Variants in CACNA1C observed in about 807,000 individuals in gnomAD.
CACNA1C encodes the protein voltage-dependent L-type calcium channel subunit alpha-1C.
In CACNA1C, 30 loss-of-function variants were observed where a neutral mutation model predicts 229.0. That is an observed-to-expected ratio of 0.13 (90% confidence interval 0.10 to 0.18). The LOEUF (loss-of-function observed/expected upper bound fraction) is 0.18. Among genes scored for constraint, CACNA1C ranks in the 10% least tolerant of loss-of-function variants. The pLI is 1.00. For synonymous variants in CACNA1C, 1,114 were observed against 1,132.5 expected (o/e 0.98, Z 0.33); for missense variants, 1,658 against 2,845.0 (o/e 0.58, Z 9.49).
intron 3 of CACNA1C, among the ~76,000 whole-genome samples, chr12:2,139,317 G>A (rs2093896361): frequency 6.6e-6 from 1 of 151,156 alleles, no homozygotes; most frequent in African/African-American, 2.4e-5. Context: ...CTCTGATAAG[G>A]ACAGCAGTCA....
At chr12:2,409,521 A>C (rs1396626353) in intron 3 of CACNA1C, among the ~76,000 whole-genome samples, 1 of 152,260 alleles carries the variant, frequency 6.6e-6, no homozygotes, top group Non-Finnish European at 1.5e-5. Context: ...GTGGACGGTC[A>C]CTACAGGTAG....
chr12:2,210,807 A>G (rs754576393), intron 3 of CACNA1C, among the ~76,000 whole-genome samples: 3 of 152,160 alleles, frequency 2.0e-5, no homozygotes, highest in Non-Finnish European at 2.9e-5. Flanking sequence ...ACCCCAGCAC[A>G]TTTCTGGAGG....
chr12:2,547,655 TTG>T (rs144986025), intron 9 of CACNA1C: 28,661 of 563,486 alleles, frequency 0.051, no homozygotes, highest in South Asian at 0.067. Context: ...TGTATATATG[TTG>T]TGTGTGTGTG....
chr12:2,110,993 C>G (rs1176403758), intron 1 of CACNA1C, among the ~76,000 whole-genome samples: 1 of 152,230 alleles, frequency 6.6e-6, no homozygotes, highest in East Asian at 1.9e-4. Flanking sequence ...ACCTGTCTCA[C>G]CCGAGAGGCC....
Position 2,232,878 on chromosome 12 carries a change from C to G in CACNA1C, c.477+112448C>G, listed in dbSNP as rs192929396. 3.9e-5 allele frequency among the ~76,000 whole-genome samples: 6 copies of G among 152,222 alleles called. No individual in the cohort carries two copies. The East Asian group carries it at 1.2e-3, about 29-fold the overall frequency. On this transcript the variant is annotated intron_variant, in intron 3 of 46. Transcript: ENST00000399655. ...TATTTTCTTGCTCAAATTGTTTTAG[C>G]TTTGGCCATTGGGAGCGCTTTCTGG...
At chr12:2,227,843 A>C (rs891963368) in intron 3 of CACNA1C, among the ~76,000 whole-genome samples, 4 of 152,196 alleles carry the variant, frequency 2.6e-5, no homozygotes, top group Non-Finnish European at 5.9e-5. Context: ...TTGATACATA[A>C]AATAATGGGC....
chr12:2,100,582 CAAAAAAAAA>C (rs71441677), intron 1 of CACNA1C, among the ~76,000 whole-genome samples: 1 of 66,468 alleles, frequency 1.5e-5, no homozygotes. Context: ...CTGTTTCTAC[CAAAAAAAAA>C]AAAAAAAAAA....
chr12:2,121,060 C>G (rs1468583039), intron 3 of CACNA1C, among the ~76,000 whole-genome samples: 1 of 152,128 alleles, frequency 6.6e-6, no homozygotes, highest in East Asian at 1.9e-4. Flanking sequence ...GAAGTCATTA[C>G]AAAGACTTTT....
At chr12:2,576,508 G>A (rs1423336153) in intron 13 of CACNA1C, among the ~76,000 whole-genome samples, 1 of 152,146 alleles carries the variant, frequency 6.6e-6, no homozygotes, top group Non-Finnish European at 1.5e-5. Flanking sequence ...CAAAGCTCTT[G>A]CCTTTTTGGT....
chr12:2,635,730 C>G (rs1484459346), intron 30 of CACNA1C, among the ~76,000 whole-genome samples: 1 of 152,182 alleles, frequency 6.6e-6, no homozygotes, highest in Admixed American at 6.5e-5. Context: ...CCTGCTCACC[C>G]TATAGCTCCA....
intron 3 of CACNA1C, among the ~76,000 whole-genome samples, chr12:2,338,156 A>C (rs772061875): frequency 1.4e-4 from 22 of 152,220 alleles, no homozygotes; most frequent in Middle Eastern, 3.4e-3. Flanking sequence ...TTTAGACCCC[A>C]GTGCTGGCTA....
Position 2,053,468 on chromosome 12 carries a change from G to A in CACNA1C, c.-95G>A. 3 of 1,493,446 alleles carry A rather than the reference G, an allele frequency of 2.0e-6. No individual in the cohort carries two copies. The highest frequency in any genetic ancestry group is 2.2e-5 in the Admixed American group (1 of 45,458). 92.5% of individuals were successfully genotyped at this position (1,493,446 alleles called of 1,614,324 possible). On this transcript the variant is annotated 5_prime_UTR_variant, in exon 1 of 47. Transcript: ENST00000399655. This position sits in a 1 kb window ranked among gnomAD's most constrained non-coding sequence, Gnocchi z 5.8. ...CTCGAATCTTGCGCGAAAGCCGCCG[G>A]CCTCGGAGGAGGGATTAATCCAGAC...
At chr12:2,477,154 G>C (rs2099634095) in intron 5 of CACNA1C, among the ~76,000 whole-genome samples, 1 of 152,338 alleles carries the variant, frequency 6.6e-6, no homozygotes, top group East Asian at 1.9e-4. Flanking sequence ...CACGTCTCCA[G>C]CTTCTAGCCA....
chr12:2,552,298 A>G (rs2041725878), intron 10 of CACNA1C, among the ~76,000 whole-genome samples: 2 of 145,352 alleles, frequency 1.4e-5, no homozygotes, highest in African/African-American at 5.0e-5. Context: ...TGGGAGAGAC[A>G]CTATGCAAAT....
intron 3 of CACNA1C, among the ~76,000 whole-genome samples, chr12:2,165,863 T>A (rs764903437): frequency 1.3e-4 from 20 of 152,368 alleles, no homozygotes; most frequent in South Asian, 8.3e-4. Context: ...TTGACAATTG[T>A]GTTTAACTGA....
chr12:2,300,834 C>G (rs371146217), intron 3 of CACNA1C, among the ~76,000 whole-genome samples: 1 of 151,940 alleles, frequency 6.6e-6, no homozygotes, highest in Non-Finnish European at 1.5e-5. Context: ...GCTGGGGGAG[C>G]CTGTTGGGAG....
rs1603427791 is a variant in CACNA1C at position 2,665,771 on chromosome 12, G to A, written c.4526+63G>A. 5 of 1,522,178 alleles carry A rather than the reference G, an allele frequency of 3.3e-6. No homozygotes were observed. The East Asian group carries it at 9.4e-5, about 29-fold the overall frequency. The allele number at this position is 1,522,178 out of a possible 1,614,324, so 94.3% of individuals were successfully genotyped here. On this transcript the variant is annotated intron_variant, in intron 36 of 46. Coordinates refer to ENST00000399655, the MANE Select transcript of CACNA1C (RefSeq NM_000719.7). This position sits in a 1 kb window ranked among gnomAD's most constrained non-coding sequence, Gnocchi z 5.9. ...AGAGAGGGTATAGCTGACCATACCT[G>A]CAGGAGGGGCTCAAGGTTGGCCAAC...
At chr12:2,589,253 A>C (rs1285067080) in intron 18 of CACNA1C, among the ~76,000 whole-genome samples, 1 of 152,194 alleles carries the variant, frequency 6.6e-6, no homozygotes, top group East Asian at 1.9e-4. Context: ...CAGCAGACAA[A>C]CCAACCAAAA....
At chr12:1,980,607 A>G (rs1240120323) in intron 1 of CACNA1C, among the ~76,000 whole-genome samples, 4 of 151,438 alleles carry the variant, frequency 2.6e-5, no homozygotes, top group African/African-American at 9.7e-5. Flanking sequence ...ATGAGGTAAA[A>G]TTTATCATTT....
Sources: allele counts gnomAD v4.1 joint callset (sites outside exome capture counted in the v4.1 genomes callset), GRCh38; gene constraint gnomAD v4.1.1; non-coding constraint Gnocchi (gnomAD v3.1); transcripts MANE v1.5; gene names NCBI Gene and HGNC (gene_info 2026-07-23, HGNC 2026-07-21).